The following SOX6 variants were observed in gnomAD, a reference collection of about 807,000 sequenced individuals.
The protein encoded by SOX6 is transcription factor SOX-6.
A neutral mutation model predicts 97.8 loss-of-function variants in SOX6; 11 were observed. The observed-to-expected ratio is 0.11, with a 90% CI of 0.07 to 0.19. SOX6 has a LOEUF of 0.19. SOX6 is among the 10% of genes least tolerant of loss of function. The pLI is 1.00. For missense variants in SOX6, 810 were observed against 1,039.5 expected, an observed-to-expected ratio of 0.78 and a Z score of 3.04; for synonymous variants, 360 against 371.4, an observed-to-expected ratio of 0.97 and a Z score of 0.35.
In SOX6 at chr11:16,613,151, C is replaced by T. The variant is rs950351817; in HGVS notation, n.430-891G>A. On this transcript the variant is annotated intron_variant and non_coding_transcript_variant, in intron 3 of 5. Transcript: ENST00000524520. This position sits in a 1 kb window ranked among gnomAD's most constrained non-coding sequence, Gnocchi z 4.6. The stretch of plus-strand genomic sequence containing the variant: ...GGCAGGAAAGCGCCTACGGGAAAAA[C>T]AGCTGGGATGCAGACGGGCTATGGA... 2.0e-5 allele frequency: 3 copies of T among 152,242 alleles called. No individual in the cohort carries two copies. The highest frequency in any genetic ancestry group is 7.2e-5 in the African/African-American group (3 of 41,442). The allele number at this position is 152,242 out of a possible 1,614,324, so 9.4% of individuals were successfully genotyped here. A position where few individuals can be genotyped will look rare whatever the true frequency, so the allele number is the denominator to read the frequency against.
chr11:16,247,498 G>C (rs980913521), intron 3 of SOX6, among the ~76,000 whole-genome samples: 1 of 152,140 alleles, frequency 6.6e-6, no homozygotes, highest in Non-Finnish European at 1.5e-5. Context: ...TCACAGTTCT[G>C]CAGGGCTGGG....
chr11:16,466,824 G>A (rs1232790721), intron 1 of SOX6, among the ~76,000 whole-genome samples: 1 of 147,866 alleles, frequency 6.8e-6, no homozygotes, highest in Non-Finnish European at 1.5e-5. Flanking sequence ...CCAGCTACTT[G>A]GGAGGCTGAG....
intron 2 of SOX6, among the ~76,000 whole-genome samples, chr11:16,732,771 A>G (rs1848360623): frequency 6.6e-6 from 1 of 152,250 alleles, no homozygotes; most frequent in African/African-American, 2.4e-5. Flanking sequence ...TCTGCACAGC[A>G]AAAGAAACTA....
intron 13 of SOX6, among the ~76,000 whole-genome samples, chr11:16,002,311 G>C (rs1459083492): frequency 6.6e-6 from 1 of 152,188 alleles, no homozygotes; most frequent in Admixed American, 6.5e-5. Flanking sequence ...TCGTGGCTTT[G>C]CAAAATGAAG....
chr11:16,217,642 A>G (rs1852412688), intron 4 of SOX6, among the ~76,000 whole-genome samples: 1 of 152,172 alleles, frequency 6.6e-6, no homozygotes, highest in Non-Finnish European at 1.5e-5. Context: ...TGTTTCCAAT[A>G]GAAGGCTAAC....
chr11:16,392,782 C>T (rs73431694), intron 1 of SOX6, among the ~76,000 whole-genome samples: 156 of 151,974 alleles, frequency 1.0e-3, no homozygotes, highest in African/African-American at 3.4e-3. Flanking sequence ...TTTTATTATT[C>T]ATATGCTTGA....
Position 15,972,861 on chromosome 11 carries a change from T to C in SOX6, c.2435A>G (p.Lys812Arg). The part of the protein sequence containing the change: ...EMYDDYEDDP[K>R]SDYSSENEAP... The stretch of plus-strand genomic sequence containing the variant: ...TTCATTTTCACTGCTATAGTCTGAT[T>C]TGGGGTCATCTTCATAGTCATCATA... Residue 812 changes from lysine to arginine, a missense_variant, in exon 16 of 16, where the codon AAA (lysine) becomes AGA (arginine). Physicochemically the swap from Lys to Arg is conservative, Grantham distance 26. Coordinates refer to ENST00000683767, the MANE Select transcript of SOX6 (RefSeq NM_001367873.1). 6.2e-7 allele frequency: 1 copy of C among 1,614,228 alleles called. No individual in the cohort carries two copies. Among genetic ancestry groups the C allele is most frequent in the Non-Finnish European group, 8.5e-7 (1 of 1,180,032 alleles).
At chr11:16,086,391 T>C (rs1848578608) in intron 9 of SOX6, among the ~76,000 whole-genome samples, 1 of 152,142 alleles carries the variant, frequency 6.6e-6, no homozygotes, top group Admixed American at 6.5e-5. Flanking sequence ...ACTAATCGCT[T>C]AAAGAGCAGC....
intron 3 of SOX6, among the ~76,000 whole-genome samples, chr11:16,704,561 G>A (rs1196597658): frequency 6.6e-6 from 1 of 152,150 alleles, no homozygotes; most frequent in Non-Finnish European, 1.5e-5. Flanking sequence ...TCTTAGCATA[G>A]GACTTAGCAC....
chr11:16,567,994 C>G (rs1014074976), intron 4 of SOX6, among the ~76,000 whole-genome samples: 2 of 151,968 alleles, frequency 1.3e-5, no homozygotes, highest in African/African-American at 4.8e-5. Flanking sequence ...CAACCACAGA[C>G]TGTCCACATG....
intron 13 of SOX6, among the ~76,000 whole-genome samples, chr11:16,005,918 T>C (rs1854539497): frequency 1.3e-5 from 2 of 151,928 alleles, no homozygotes. Flanking sequence ...ATGACCTAAC[T>C]TTGGCATCAT....
chr11:16,374,700 C>G (rs1857596808), intron 1 of SOX6, among the ~76,000 whole-genome samples: 1 of 151,882 alleles, frequency 6.6e-6, no homozygotes, highest in Non-Finnish European at 1.5e-5. Context: ...ACTCACATGG[C>G]AAAAAGAATT....
At chr11:16,130,755 G>A (rs1353218710) in intron 6 of SOX6, among the ~76,000 whole-genome samples, 1 of 151,926 alleles carries the variant, frequency 6.6e-6, no homozygotes, top group Non-Finnish European at 1.5e-5. Context: ...TATTAGGATG[G>A]TATTGGTTTA....
intron 4 of SOX6, among the ~76,000 whole-genome samples, chr11:16,522,427 T>C (rs192533281): frequency 2.9e-4 from 44 of 151,980 alleles, no homozygotes; most frequent in Non-Finnish European, 4.7e-4. Context: ...GAGAAGCAAA[T>C]GCTGAGAGAT....
chr11:16,386,742 C>T (rs778286430), intron 1 of SOX6, among the ~76,000 whole-genome samples: 1 of 152,122 alleles, frequency 6.6e-6, no homozygotes, highest in Non-Finnish European at 1.5e-5. Flanking sequence ...TGTATAGTCA[C>T]CATCCTTGAT....
At chr11:16,542,554 T>C (rs1014684718) in intron 4 of SOX6, among the ~76,000 whole-genome samples, 3 of 152,200 alleles carry the variant, frequency 2.0e-5, no homozygotes, top group African/African-American at 7.2e-5. Flanking sequence ...AACTGCTGAG[T>C]CACACACACA....
At chr11:16,641,204 T>G (rs1848907615) in intron 3 of SOX6, among the ~76,000 whole-genome samples, 1 of 152,208 alleles carries the variant, frequency 6.6e-6, no homozygotes, top group South Asian at 2.1e-4. Context: ...TCAGTTTCCA[T>G]GTAGTTAAGC....
intron 13 of SOX6, among the ~76,000 whole-genome samples, chr11:16,004,142 G>A (rs560584680): frequency 3.3e-5 from 5 of 151,704 alleles, no homozygotes; most frequent in Non-Finnish European, 4.4e-5. Context: ...GATAAAACAC[G>A]CTCATTGAAT....
At chr11:16,337,641 C>A (rs1350097598) in intron 2 of SOX6, among the ~76,000 whole-genome samples, 1 of 152,068 alleles carries the variant, frequency 6.6e-6, no homozygotes, top group African/African-American at 2.4e-5. Context: ...GATAGTGAAT[C>A]TTATTTACAT....
Sources: gnomAD v4.1 joint callset for allele counts (sites outside exome capture counted in the v4.1 genomes callset) on GRCh38, gnomAD v4.1.1 for gene constraint, Gnocchi (gnomAD v3.1) non-coding constraint, MANE v1.5 for transcripts, NCBI Gene and HGNC (gene_info 2026-07-23, HGNC 2026-07-21) for gene names.